IGSF10: variants seen among roughly 807,000 people sequenced by gnomAD.
IGSF10 encodes the protein immunoglobulin superfamily member 10.
A neutral mutation model predicts 128.2 loss-of-function variants in IGSF10; 126 were observed. The observed-to-expected ratio is 0.98, with a 90% confidence interval of 0.85 to 1.14. The LOEUF is 1.14. Ranked by LOEUF, IGSF10 falls within the 50% of genes most tolerant of loss-of-function variation. The probability of loss-of-function intolerance (pLI) is 0.00; values close to 1 mark genes in which losing one functional copy is unlikely to be tolerated. For missense variants in IGSF10, 3,295 were observed against 3,149.8 expected (o/e 1.05, Z -1.10); for synonymous variants, 1,185 against 1,146.2 (o/e 1.03, Z -0.68).
At chr3:151,444,066 G>A (rs775617544) in intron 6 of IGSF10, among the ~76,000 whole-genome samples, 182 bp from the exon 7 acceptor site, 33 of 152,056 alleles carry the variant, frequency 2.2e-4, no homozygotes, top group South Asian at 6.2e-4. Flanking sequence ...TTAAGCCCAG[G>A]AGTTCAAGAC....
In IGSF10 at chr3:151,445,530, C is replaced by G. The variant is rs756502050; in HGVS notation, c.4451G>C (p.Arg1484Thr). ...AGTCGCCACGTTGTCAGTAACTGCTCTCTGAGTAAAGGGAGGGGAGATGGG... is the reference window on the plus strand; with the variant it reads ...AGTCGCCACGTTGTCAGTAACTGCTGTCTGAGTAAAGGGAGGGGAGATGGG... ...PVPISPPFTQ[R>T]AVTDNVATPI... is the part of the protein sequence containing the mutation. Residue 1484 changes from arginine (R) to threonine (T), a missense_variant, in exon 6 of 8, where the codon AGA (arginine) becomes ACA (threonine). Coordinates refer to ENST00000282466, the MANE Select transcript of IGSF10 (RefSeq NM_178822.5). 1.2e-5 allele frequency: 20 copies of G among 1,614,148 alleles called. No homozygotes were observed. In the African/African-American group the frequency reaches 1.5e-4, roughly 12 times the overall value.
chr3:151,461,875 C>G (rs1038844943), upstream of IGSF10, among the ~76,000 whole-genome samples: 1 of 152,178 alleles, frequency 6.6e-6, no homozygotes, highest in African/African-American at 2.4e-5. Flanking sequence ...ATAATGTCCT[C>G]CAGGTTCATC....
chr3:151,502,474 A>G, the IGSF10 span, among the ~76,000 whole-genome samples: 755 of 152,132 alleles, frequency 5.0e-3, 7 homozygotes, highest in African/African-American at 0.018. Flanking sequence ...AGCTCCACTA[A>G]AAAAGCAGAT....
upstream of IGSF10, among the ~76,000 whole-genome samples, chr3:151,463,521 T>TGG (rs1169812257): frequency 7.3e-6 from 1 of 136,060 alleles, no homozygotes; most frequent in African/African-American, 2.8e-5. Context: ...TTACATTTTC[T>TGG]GGTTTTTTTT....
chr3:151,466,650 C>T, the IGSF10 span, among the ~76,000 whole-genome samples: 2 of 152,144 alleles, frequency 1.3e-5, no homozygotes, highest in African/African-American at 2.4e-5. Context: ...ACAATCTCAG[C>T]TCATTGCAGC....
At chr3:151,519,725 G>C in the IGSF10 span, among the ~76,000 whole-genome samples, 42,189 of 151,464 alleles carry the variant, frequency 0.28, 6,682 homozygotes, top group South Asian at 0.44. Flanking sequence ...ACTTCTGAAG[G>C]GGAAACAAAA....
chr3:151,617,240 C>CCCCCTCTTCTTCTTCTTCT, the IGSF10 span, among the ~76,000 whole-genome samples: 8 of 112,980 alleles, frequency 7.1e-5, no homozygotes, highest in African/African-American at 3.5e-4. Flanking sequence ...CTTCTTCTTC[C>CCCCCTCTTCTTCTTCTTCT]TCCTCCTCTT....
At chr3:151,487,583 T>C in the IGSF10 span, among the ~76,000 whole-genome samples, 1 of 152,166 alleles carries the variant, frequency 6.6e-6, no homozygotes, top group Non-Finnish European at 1.5e-5. Flanking sequence ...AAATCCTCAA[T>C]AAAATACTGG....
At chr3:151,564,884 G>A in the IGSF10 span, among the ~76,000 whole-genome samples, 4 of 152,106 alleles carry the variant, frequency 2.6e-5, no homozygotes, top group Non-Finnish European at 5.9e-5. Context: ...TAAGAATCAT[G>A]GTAATGGTTA....
the IGSF10 span, among the ~76,000 whole-genome samples, chr3:151,547,419 A>AATATATATATAT: frequency 1.1e-4 from 15 of 141,678 alleles, no homozygotes; most frequent in African/African-American, 3.5e-4. Context: ...ATATTATATA[A>AATATATATATAT]ATATATATAT....
the IGSF10 span, among the ~76,000 whole-genome samples, chr3:151,521,202 G>A: frequency 6.6e-6 from 1 of 151,806 alleles, no homozygotes; most frequent in Non-Finnish European, 1.5e-5. Context: ...CCCAAAACAG[G>A]AGCACCCAGA....
chr3:151,483,577 A>T, the IGSF10 span, among the ~76,000 whole-genome samples: 1 of 152,178 alleles, frequency 6.6e-6, no homozygotes, highest in South Asian at 2.1e-4. Flanking sequence ...ATCGACACAG[A>T]AGGTGGATGA....
rs1560174355 is a variant in IGSF10, at chr3:151,443,396, CTT to C, written c.5549_5550del (p.Gln1850ArgfsTer8). 1 of 1,614,264 alleles carries C rather than the reference CTT, an allele frequency of 6.2e-7. No homozygotes were observed. Among genetic ancestry groups the C allele is most frequent in the Non-Finnish European group, 8.5e-7 (1 of 1,180,054 alleles). On this transcript the variant is annotated frameshift_variant, in exon 7 of 8. Coordinates refer to ENST00000282466, the MANE Select transcript of IGSF10 (RefSeq NM_178822.5). LOFTEE classifies it high-confidence loss of function. Reference protein sequence around the residue: ...APPVILEQRRQVIVGTWGESL... With the variant: ...APPVILEQRRXVIVGTWGESL... ...CTTTCACCCCAAGTGCCTACAATGA[CTT>C]GCCTCCTTTGCTCTAGAATAACAGG...
Position 151,445,188 on chromosome 3 carries a change from GTAGTAGCCAA to G in IGSF10, c.4783_4792del (p.Leu1595GlnfsTer53). 1 of 1,614,264 alleles carries G rather than the reference GTAGTAGCCAA, an allele frequency of 6.2e-7. No individual in the cohort carries two copies. Among genetic ancestry groups the G allele is most frequent in the East Asian group, 2.2e-5 (1 of 44,894 alleles). On this transcript the variant is annotated frameshift_variant, in exon 6 of 8. Transcript: ENST00000282466. LOFTEE classifies it high-confidence loss of function. ...AAGAGTGGTGGCCTCGGACAGGCCTGTAGTAGCCAACATGCTTACTTCTGGCTTTTTGCCT... is the reference window on the plus strand; with the variant it reads ...AAGAGTGGTGGCCTCGGACAGGCCTGCATGCTTACTTCTGGCTTTTTGCCT...
At chr3:151,600,638 T>C in the IGSF10 span, among the ~76,000 whole-genome samples, 10 of 152,146 alleles carry the variant, frequency 6.6e-5, no homozygotes, top group Non-Finnish European at 1.3e-4. Context: ...AAAATTTCAG[T>C]GCAGGGCATT....
Position 151,453,458 on chromosome 3 carries a change from A to G in IGSF10, c.641T>C (p.Leu214Pro). The G allele has an allele frequency of 6.2e-7, 1 of 1,614,014 alleles. No individual in the cohort carries two copies. The highest frequency in any genetic ancestry group is 1.1e-5 in the South Asian group (1 of 91,048). Residue 214 changes from leucine (L) to proline (P), a missense_variant, in exon 5 of 8, where the codon CTT (leucine) becomes CCT (proline). By Grantham distance (98) the Leu-to-Pro change is moderately conservative. Coordinates refer to ENST00000282466, the MANE Select transcript of IGSF10 (RefSeq NM_178822.5). Reference sequence around the variant, plus strand: ...GGTCCATGGGTTTCCATGCAGGTAAAGGCTGTCTAGGTCAGGCATATAGGA... The same window carrying G: ...GGTCCATGGGTTTCCATGCAGGTAAGGGCTGTCTAGGTCAGGCATATAGGA... ...MVSYMPDLDS[L>P]YLHGNPWTCD...
chr3:151,616,692 T>C, the IGSF10 span, among the ~76,000 whole-genome samples: 9 of 152,196 alleles, frequency 5.9e-5, no homozygotes, highest in Non-Finnish European at 1.3e-4. Context: ...TTTCCACAAA[T>C]AAGTTAACTG....
At chr3:151,490,348 G>T in the IGSF10 span, among the ~76,000 whole-genome samples, 8 of 152,124 alleles carry the variant, frequency 5.3e-5, no homozygotes, top group Non-Finnish European at 1.2e-4. Context: ...AAATGTATTT[G>T]CACCCAACAT....
At position 151,461,013 on chromosome 3, in the gene IGSF10, G is replaced by T; in HGVS notation, c.-156C>A. 1 of 985,392 alleles carries T rather than the reference G, an allele frequency of 1.0e-6. No individual in the cohort carries two copies. The highest frequency in any genetic ancestry group is 1.2e-6 in the Non-Finnish European group (1 of 829,916). The allele number at this position is 985,392 out of a possible 1,614,324, so 61.0% of individuals were successfully genotyped here. Reference sequence around the variant, plus strand: ...GGTCCCGGGCTCGGTCCCGGGCTCAGCTGCTGGGGTCGTGCGGAGCTGGTC... The same window carrying T: ...GGTCCCGGGCTCGGTCCCGGGCTCATCTGCTGGGGTCGTGCGGAGCTGGTC... On this transcript the variant is annotated 5_prime_UTR_variant, in exon 1 of 8. The change creates a new upstream start codon in the 5' untranslated region. Coordinates refer to ENST00000282466, the MANE Select transcript of IGSF10 (RefSeq NM_178822.5).
Sources: gnomAD v4.1 joint callset for allele counts (sites outside exome capture counted in the v4.1 genomes callset) on GRCh38, gnomAD v4.1.1 for gene constraint, MANE v1.5 for transcripts, NCBI Gene and HGNC (gene_info 2026-07-23, HGNC 2026-07-21) for gene names.